DRGX: variants seen among roughly 807,000 people sequenced by gnomAD.
DRGX encodes dorsal root ganglia homeobox protein.
Under a neutral mutation model 28.6 loss-of-function variants are expected in DRGX, and 21 were observed. The observed-to-expected ratio is 0.73, with a 90% CI of 0.52 to 1.06. The LOEUF (loss-of-function observed/expected upper bound fraction) is 1.06. DRGX is among the 50% of genes least tolerant of loss of function. The pLI is 0.00. For synonymous variants in DRGX, 136 were observed against 139.1 expected, an observed-to-expected ratio of 0.98 and a Z score of 0.16; for missense variants, 354 against 343.9, an observed-to-expected ratio of 1.03 and a Z score of -0.23.
At chr10:49,369,507 C>G (rs1197710292) in intron 6 of DRGX, among the ~76,000 whole-genome samples, 1 of 152,186 alleles carries the variant, frequency 6.6e-6, no homozygotes, top group African/African-American at 2.4e-5. Flanking sequence ...ACTAAAAGAA[C>G]AAATCCTGCA....
intron 6 of DRGX, among the ~76,000 whole-genome samples, chr10:49,374,768 C>T (rs751550963): frequency 3.9e-5 from 6 of 152,164 alleles, no homozygotes; most frequent in African/African-American, 7.2e-5. Context: ...AGCTCTGTCT[C>T]GTCTCTGCCA....
intron 6 of DRGX, among the ~76,000 whole-genome samples, chr10:49,367,181 C>T (rs993437605): frequency 2.6e-5 from 4 of 152,082 alleles, no homozygotes; most frequent in African/African-American, 9.7e-5. Context: ...CATAGTGAGA[C>T]CCTATCGCTA....
Position 49,391,775 on chromosome 10 carries a change from C to CT in DRGX, c.35-515dup. 6.2e-6 allele frequency: 3 copies of CT among 487,574 alleles called. 1 individual carries two copies. The highest frequency in any genetic ancestry group is 4.6e-5 in the South Asian group (3 of 65,448). 30.2% of individuals were successfully genotyped at this position (487,574 alleles called of 1,614,324 possible). A position where few individuals can be genotyped will look rare whatever the true frequency, so the allele number is the denominator to read the frequency against. ...AAAACACCAAGAGCTTTTCACGGCA[C>CT]TTTTCTCTTATAAGTGCAGAACGTG... is the stretch of plus-strand genomic sequence containing the variant. On this transcript the variant is annotated intron_variant, in intron 2 of 6. Coordinates refer to ENST00000374139, the MANE Select transcript of DRGX (RefSeq NM_001276451.2).
At chr10:49,367,134 T>A (rs1435786215) in intron 6 of DRGX, among the ~76,000 whole-genome samples, 1 of 152,128 alleles carries the variant, frequency 6.6e-6, no homozygotes, top group Non-Finnish European at 1.5e-5. Context: ...GGTAGGAGGA[T>A]CGACTGAGCA....
chr10:49,395,500 C>A lies in DRGX; in HGVS notation c.-60G>T. The A allele has an allele frequency of 6.5e-7, 1 of 1,535,432 alleles. No homozygotes were observed. Among genetic ancestry groups the A allele is most frequent in the Non-Finnish European group, 8.8e-7 (1 of 1,135,242 alleles). On this transcript the variant is annotated 5_prime_UTR_variant, in exon 2 of 7. Transcript: ENST00000374139. ...TGGGAGGGTGGCAGCAGAACGGACCCGCGCGCGTTGCTCCTGCCTGGCTGC... is the reference window on the plus strand; with the variant it reads ...TGGGAGGGTGGCAGCAGAACGGACCAGCGCGCGTTGCTCCTGCCTGGCTGC...
chr10:49,366,974 G>T (rs1849608204), intron 6 of DRGX, among the ~76,000 whole-genome samples: 1 of 152,192 alleles, frequency 6.6e-6, no homozygotes, highest in East Asian at 1.9e-4. Context: ...AAATGTGTGT[G>T]GTGGAGTCTA....
At chr10:49,390,091 G>A (rs1564709685) in intron 4 of DRGX, 42 bp downstream of exon 4, 1 of 1,542,732 alleles carries the variant, frequency 6.5e-7, no homozygotes, top group Non-Finnish European at 8.7e-7. Context: ...AAGTTTGCCA[G>A]TTTTAATATT....
Position 49,386,849 on chromosome 10 carries a change from G to A in DRGX, c.244C>T (p.Gln82Ter). 6.4e-7 allele frequency: 1 copy of A among 1,554,972 alleles called. No individual in the cohort carries two copies. Among genetic ancestry groups the A allele is most frequent in the Non-Finnish European group, 8.6e-7 (1 of 1,156,150 alleles). Residue 82 changes from glutamine (Q) to a stop codon, truncating the protein, a stop_gained, in exon 5 of 7, where the codon CAG (glutamine) becomes TAG (stop). Transcript: ENST00000374139. LOFTEE classifies it high-confidence loss of function. The stretch of plus-strand genomic sequence containing the variant: ...TTCCTCCATTTGGCCCTTCTGTTCT[G>A]GAACCAAACCTGAATCCCAGATGGA... ...LTEARVQVWF[Q>*]NRRAKWRKTE...
intron 6 of DRGX, among the ~76,000 whole-genome samples, chr10:49,374,543 T>A (rs1849697492): frequency 6.6e-6 from 1 of 152,192 alleles, no homozygotes; most frequent in South Asian, 2.1e-4. Flanking sequence ...TGCTACTACC[T>A]CCTGGACACT....
In DRGX at chr10:49,386,563, C is replaced by CCCT. The variant is rs1287088303; in HGVS notation, c.438_440dup (p.Gly147dup). The CCCT allele has an allele frequency of 6.3e-7, 1 of 1,590,472 alleles. No individual in the cohort carries two copies. ...CCGGCAAGCAGGAGGGGAAGAAAGG[C>CCCT]CCTGCAGGACCTACCGTTCGCCCCA... On this transcript the variant is annotated inframe_insertion, in exon 6 of 7. Transcript: ENST00000374139.
chr10:49,369,278 G>C (rs1175423144), intron 6 of DRGX, among the ~76,000 whole-genome samples: 2 of 152,204 alleles, frequency 1.3e-5, no homozygotes, highest in African/African-American at 2.4e-5. Flanking sequence ...GCAGGGTAAA[G>C]AGTCTACATG....
At chr10:49,374,056 G>A (rs527415159) in intron 6 of DRGX, among the ~76,000 whole-genome samples, 77 of 152,254 alleles carry the variant, frequency 5.1e-4, no homozygotes, top group African/African-American at 1.8e-3. Context: ...GGTTCTGGGT[G>A]TTGAGGCTAT....
At chr10:49,390,076 A>G in intron 4 of DRGX, 57 bp downstream of exon 4, 1 of 1,523,068 alleles carries the variant, frequency 6.6e-7, no homozygotes, top group Non-Finnish European at 8.8e-7. Context: ...CATGATGTCA[A>G]AAAAAAGTTT....
chr10:49,395,793 A>G (rs1849962475), intron 1 of DRGX, 142 bp downstream of exon 1: 2 of 357,810 alleles, frequency 5.6e-6, no homozygotes, highest in Admixed American at 4.6e-5. Flanking sequence ...GGTCCCAGCC[A>G]GAAGCCCTGC....
chr10:49,366,198 A>T lies in DRGX; in HGVS notation c.710T>A (p.Val237Asp). The T allele has an allele frequency of 6.2e-7, 1 of 1,613,404 alleles. No individual in the cohort carries two copies. ...LPSTSSSPGPVAKPAPPDGSQ... is the reference protein window; with the variant it reads ...LPSTSSSPGPDAKPAPPDGSQ... ...GCCATCTGGGGGCGCCGGCTTGGCG[A>T]CAGGGCCGGGGCTGCTGCTGGTGGA... The change falls in exon 7 of 7, where the codon GTC becomes GAC. Residue 237 changes from valine (V) to aspartate (D), a missense_variant. Val to Asp is a radical substitution (Grantham distance 152, BLOSUM62 -3). Coordinates refer to ENST00000374139, the MANE Select transcript of DRGX (RefSeq NM_001276451.2).
rs556495938 is a variant in DRGX at position 49,380,792 on chromosome 10, G to A, written c.526+5686C>T. Among the ~76,000 whole-genome samples, 14 of 152,296 alleles carry A rather than the reference G, an allele frequency of 9.2e-5. No individual in the cohort carries two copies. The South Asian group carries it at 2.7e-3, about 29-fold the overall frequency. On this transcript the variant is annotated intron_variant, in intron 6 of 6. Coordinates refer to ENST00000374139, the MANE Select transcript of DRGX (RefSeq NM_001276451.2). Reference sequence around the variant, plus strand: ...GAGGTTTTGGAGAAGGTACTTCATTGGGTCCTTTAAAAGTGAATGGGGTCT... The same window carrying A: ...GAGGTTTTGGAGAAGGTACTTCATTAGGTCCTTTAAAAGTGAATGGGGTCT...
rs543054467 is a variant in DRGX, at chr10:49,386,778, G to A, written c.315C>T (p.Pro105=). The A allele has an allele frequency of 1.2e-6, 2 of 1,610,354 alleles. No homozygotes were observed. Among genetic ancestry groups the A allele is most frequent in the East Asian group, 2.2e-5 (1 of 44,774 alleles). The change falls in exon 5 of 7, where the codon CCC becomes CCT. Residue 105 remains proline, a synonymous_variant. Coordinates refer to ENST00000374139, the MANE Select transcript of DRGX (RefSeq NM_001276451.2). ...ASDQEPGAKE[P]MAEVTPPPVR... ...CTGGAGGAGGTGTCACCTCTGCCAT[G>A]GGCTCCTTGGCTCCTGGCTCCTGGT...
chr10:49,389,784 C>G (rs1415556655), intron 4 of DRGX, among the ~76,000 whole-genome samples: 5 of 152,106 alleles, frequency 3.3e-5, no homozygotes, highest in Non-Finnish European at 5.9e-5. Flanking sequence ...AGCCTTACCC[C>G]AGAGCGGTCA....
At chr10:49,395,883 C>A (rs902141721) in intron 1 of DRGX, 52 bp downstream of exon 1, 6 of 178,400 alleles carry the variant, frequency 3.4e-5, no homozygotes, top group Non-Finnish European at 5.9e-5. Context: ...GGCAGCCGAG[C>A]CCCAAGGCCC....
Sources: gnomAD v4.1 joint callset for allele counts (sites outside exome capture counted in the v4.1 genomes callset) on GRCh38, gnomAD v4.1.1 for gene constraint, MANE v1.5 for transcripts, NCBI Gene and HGNC (gene_info 2026-07-23, HGNC 2026-07-21) for gene names.